CSGALNACT1: variants seen among roughly 807,000 people sequenced by gnomAD.
CSGALNACT1 encodes the protein chondroitin sulfate N-acetylgalactosaminyltransferase 1, also known as beta4GalNAcT-1.
Under a neutral mutation model 51.0 loss-of-function variants are expected in CSGALNACT1, and 52 were observed. The ratio of observed to expected loss-of-function variants is 1.02; its 90% CI spans 0.82 to 1.29. The LOEUF (loss-of-function observed/expected upper bound fraction) is 1.29, where lower values mean the gene tolerates loss of function less well. Ranked by LOEUF, CSGALNACT1 falls within the 50% of genes most tolerant of loss-of-function variation. The pLI is 0.00. For synonymous variants in CSGALNACT1, 341 were observed against 254.4 expected (o/e 1.34, Z -3.24); for missense variants, 935 against 679.2 (o/e 1.38, Z -4.19).
At position 19,411,863 on chromosome 8, in the gene CSGALNACT1, C is replaced by T. The variant is rs28442874; in HGVS notation, c.1228-3169G>A. ...TTTTTTTTTTTTTGACGGAGTCTTGCTGTGTTGCCCAGGCTGGAGTGCAGT... is the reference window on the plus strand; with the variant it reads ...TTTTTTTTTTTTTGACGGAGTCTTGTTGTGTTGCCCAGGCTGGAGTGCAGT... On this transcript the variant is annotated intron_variant, in intron 8 of 9. Coordinates refer to ENST00000454498, the Ensembl canonical transcript of CSGALNACT1. Among the ~76,000 whole-genome samples, 585 of 143,928 alleles carry T rather than the reference C, an allele frequency of 4.1e-3. 3 individuals are homozygous for T. The highest frequency in any genetic ancestry group is 0.014 in the African/African-American group (550 of 38,420). 94.4% of individuals were successfully genotyped at this position (143,928 alleles called of 152,430 possible). A position where few individuals can be genotyped will look rare whatever the true frequency, so the allele number is the denominator to read the frequency against.
At chr8:19,551,664 T>C (rs1291954850) in intron 3 of CSGALNACT1, among the ~76,000 whole-genome samples, 3 of 152,186 alleles carry the variant, frequency 2.0e-5, no homozygotes, top group Non-Finnish European at 4.4e-5. Context: ...CTGCTTTGGG[T>C]TGGCTTTCCT....
At chr8:19,682,497 C>T (rs1347891801) in exon 1 of CSGALNACT1, 3 of 371,818 alleles carry the variant, frequency 8.1e-6, no homozygotes, top group East Asian at 7.4e-5. Context: ...AAAAAGATGA[C>T]ACCTGTTGTC....
intron 4 of CSGALNACT1, among the ~76,000 whole-genome samples, chr8:19,481,173 C>A (rs1043282548): frequency 5.4e-5 from 6 of 110,854 alleles, no homozygotes; most frequent in Non-Finnish European, 9.6e-5. Flanking sequence ...CCAGTCACAT[C>A]TTACTCCTTT....
chr8:19,580,181 A>G (rs1488957899), intron 3 of CSGALNACT1, among the ~76,000 whole-genome samples: 1 of 152,214 alleles, frequency 6.6e-6, no homozygotes. Context: ...GAAATCTAGG[A>G]CTTCCAATGC....
intron 5 of CSGALNACT1, among the ~76,000 whole-genome samples, chr8:19,450,961 C>T (rs2063088559): frequency 6.6e-6 from 1 of 152,084 alleles, no homozygotes; most frequent in South Asian, 2.1e-4. Context: ...TCACACAGCA[C>T]ATACATAGCC....
chr8:19,554,962 G>A (rs574488289), intron 3 of CSGALNACT1, among the ~76,000 whole-genome samples: 34 of 151,712 alleles, frequency 2.2e-4, no homozygotes, highest in African/African-American at 7.7e-4. Flanking sequence ...GAAATGAGCC[G>A]GGCGTGGTGG....
chr8:19,588,193 C>T (rs1407823073), intron 3 of CSGALNACT1, among the ~76,000 whole-genome samples: 1 of 151,546 alleles, frequency 6.6e-6, no homozygotes, highest in South Asian at 2.1e-4. Context: ...GAAACCCTGT[C>T]CCCCATCCCC....
intron 1 of CSGALNACT1, among the ~76,000 whole-genome samples, chr8:19,615,252 C>T (rs375176412): frequency 7.2e-5 from 11 of 152,150 alleles, no homozygotes; most frequent in Admixed American, 2.0e-4. Flanking sequence ...GCAGTGAGCC[C>T]GGATTGTGCC....
intron 1 of CSGALNACT1, among the ~76,000 whole-genome samples, chr8:19,699,411 G>A (rs1200118393): frequency 6.6e-6 from 1 of 152,130 alleles, no homozygotes; most frequent in Non-Finnish European, 1.5e-5. Flanking sequence ...CAAATGAAGA[G>A]ATACATAAAA....
chr8:19,514,510 T>TATATATATATATATATATATAC (rs1422248108), intron 3 of CSGALNACT1, among the ~76,000 whole-genome samples: 2 of 133,054 alleles, frequency 1.5e-5, no homozygotes, highest in South Asian at 2.5e-4. Context: ...TATATATATA[T>TATATATATATATATATATATAC]ACATGTATCT....
At chr8:19,665,154 C>G (rs2059086610) in intron 1 of CSGALNACT1, among the ~76,000 whole-genome samples, 1 of 152,204 alleles carries the variant, frequency 6.6e-6, no homozygotes, top group South Asian at 2.1e-4. Context: ...GGTGGGATTA[C>G]AGGCATGTGC....
chr8:19,565,623 A>G (rs539488522), intron 3 of CSGALNACT1, among the ~76,000 whole-genome samples: 2 of 152,312 alleles, frequency 1.3e-5, no homozygotes, highest in East Asian at 1.9e-4. Flanking sequence ...CTATTCTTAC[A>G]TTAAAGAACT....
intron 6 of CSGALNACT1, among the ~76,000 whole-genome samples, chr8:19,430,447 A>G (rs1476814161): frequency 6.6e-6 from 1 of 152,198 alleles, no homozygotes; most frequent in East Asian, 1.9e-4. Context: ...CAGTCATCCC[A>G]GAACCGTTCT....
chr8:19,488,398 T>C (rs1005252386), intron 4 of CSGALNACT1, among the ~76,000 whole-genome samples: 3 of 133,620 alleles, frequency 2.2e-5, no homozygotes, highest in Non-Finnish European at 4.8e-5. Flanking sequence ...TATATATATA[T>C]ATATATATAT....
chr8:19,577,563 A>G (rs2044551613), intron 3 of CSGALNACT1, among the ~76,000 whole-genome samples: 1 of 151,832 alleles, frequency 6.6e-6, no homozygotes, highest in Non-Finnish European at 1.5e-5. Flanking sequence ...TATCTCAAAA[A>G]AAAAAAAAAT....
chr8:19,556,677 T>A (rs138244107), intron 3 of CSGALNACT1, among the ~76,000 whole-genome samples: 1 of 152,178 alleles, frequency 6.6e-6, no homozygotes, highest in Admixed American at 6.5e-5. Flanking sequence ...GCACAAGCTA[T>A]AATAGATTCT....
chr8:19,426,920 T>C (rs1157378912), intron 6 of CSGALNACT1, among the ~76,000 whole-genome samples: 1 of 152,206 alleles, frequency 6.6e-6, no homozygotes, highest in Non-Finnish European at 1.5e-5. Flanking sequence ...TAGCCTTTCA[T>C]TGTAAAAAAT....
At chr8:19,679,943 G>A (rs996157348) in intron 1 of CSGALNACT1, among the ~76,000 whole-genome samples, 16 of 152,174 alleles carry the variant, frequency 1.1e-4, no homozygotes, top group Admixed American at 9.8e-4. Context: ...TACCGGCTTA[G>A]AGTAGATTCA....
At chr8:19,580,480 G>C (rs371566985) in intron 3 of CSGALNACT1, among the ~76,000 whole-genome samples, 58 of 152,262 alleles carry the variant, frequency 3.8e-4, no homozygotes, top group African/African-American at 1.4e-3. Context: ...AATGAAAACA[G>C]ACTAACTTGA....
Sources: allele counts gnomAD v4.1 joint callset (sites outside exome capture counted in the v4.1 genomes callset), GRCh38; gene constraint gnomAD v4.1.1; transcripts MANE v1.5; gene names NCBI Gene and HGNC (gene_info 2026-07-23, HGNC 2026-07-21).